The following CDH8 variants were observed in gnomAD, a reference collection of about 807,000 sequenced individuals.
CDH8 encodes the protein cadherin 8.
Under a neutral mutation model 68.1 loss-of-function variants are expected in CDH8, and 17 were observed. The ratio of observed to expected loss-of-function variants is 0.25; its 90% CI spans 0.17 to 0.37. The LOEUF (loss-of-function observed/expected upper bound fraction) is 0.37. Ranked by LOEUF, CDH8 falls within the 10% of genes least tolerant of loss-of-function variation. The pLI is 1.00. For synonymous variants in CDH8, 372 were observed against 365.1 expected (o/e 1.02, Z -0.21); for missense variants, 763 against 999.3 (o/e 0.76, Z 3.19).
At chr16:61,692,988 A>G (rs1327027848) in intron 10 of CDH8, 2 of 152,208 alleles carry the variant, frequency 1.3e-5, no homozygotes, top group East Asian at 3.9e-4. Context: ...AATTAATTTA[A>G]AAAACACACA....
chr16:61,680,401 G>T (rs925639711), intron 10 of CDH8, among the ~76,000 whole-genome samples: 4 of 151,680 alleles, frequency 2.6e-5, no homozygotes, highest in African/African-American at 9.7e-5. Flanking sequence ...TACCAATGCC[G>T]ATTCTAATAC....
At chr16:61,813,984 A>C (rs1962016803) in intron 7 of CDH8, among the ~76,000 whole-genome samples, 1 of 152,184 alleles carries the variant, frequency 6.6e-6, no homozygotes, top group Non-Finnish European at 1.5e-5. Flanking sequence ...ACAGCCACCT[A>C]GATGAATCTC....
chr16:61,654,006 C>T lies in CDH8; in HGVS notation c.2002G>A (p.Asp668Asn), dbSNP rs1567404075. The T allele has an allele frequency of 6.2e-7, 1 of 1,613,606 alleles. No individual in the cohort carries two copies. Among genetic ancestry groups the T allele is most frequent in the Non-Finnish European group, 8.5e-7 (1 of 1,179,542 alleles). The change falls in exon 12 of 12, where the codon GAT (aspartate) becomes AAT (asparagine). Residue 668 changes from aspartate (D) to asparagine (N), a missense_variant. This residue lies in a region of CDH8 where 397 missense variants were observed against 436.2 expected (regional missense o/e 0.91). Transcript: ENST00000577390. Reference protein sequence around the residue: ...EDVRENIIRYDDEGGGEEDTE... With the variant: ...EDVRENIIRYNDEGGGEEDTE... ...TCCTCCTCCCCTCCTCCTTCATCAT[C>T]GTAGCGAATGATGTTTTCTCGAACG...
intron 4 of CDH8, among the ~76,000 whole-genome samples, chr16:61,847,808 C>A (rs1224579360): frequency 6.6e-6 from 1 of 151,358 alleles, no homozygotes; most frequent in African/African-American, 2.4e-5. Flanking sequence ...GGAACTACAA[C>A]AATAAACATA....
intron 2 of CDH8, among the ~76,000 whole-genome samples, chr16:61,993,904 A>C (rs1006103404): frequency 1.3e-5 from 2 of 152,190 alleles, no homozygotes; most frequent in Non-Finnish European, 2.9e-5. Context: ...TCATAGCTGC[A>C]TAGTATTTTA....
At chr16:61,656,431 CAT>C (rs932378167) in intron 10 of CDH8, among the ~76,000 whole-genome samples, 37 of 152,194 alleles carry the variant, frequency 2.4e-4, no homozygotes, top group Admixed American at 6.5e-4. Flanking sequence ...ATTTGAAACA[CAT>C]GTTTGAGAAG....
At chr16:61,926,152 G>GGGGTGTGTGTGTGTGTGTGTGTGT (rs1181874133) in intron 2 of CDH8, among the ~76,000 whole-genome samples, 3 of 142,118 alleles carry the variant, frequency 2.1e-5, no homozygotes, top group African/African-American at 7.8e-5. Flanking sequence ...ACTCAGAAGG[G>GGGGTGTGTGTGTGTGTGTGTGTGT]GTGTGTGTGT....
intron 3 of CDH8, among the ~76,000 whole-genome samples, chr16:61,899,752 T>C (rs1597051452): frequency 6.6e-6 from 1 of 151,950 alleles, no homozygotes; most frequent in East Asian, 1.9e-4. Context: ...TACTTGCAAA[T>C]TAAGTCATTT....
intron 4 of CDH8, among the ~76,000 whole-genome samples, chr16:61,852,818 C>T (rs928374240): frequency 5.3e-5 from 8 of 151,818 alleles, no homozygotes; most frequent in African/African-American, 1.7e-4. Context: ...ACATCCCTCC[C>T]GGCCTTCCCT....
chr16:61,925,445 G>A (rs1964441785), intron 2 of CDH8, among the ~76,000 whole-genome samples: 1 of 152,076 alleles, frequency 6.6e-6, no homozygotes, highest in South Asian at 2.1e-4. Flanking sequence ...AAAGCACAAG[G>A]CTCACCTTTC....
chr16:61,764,766 A>G (rs1960547651), intron 8 of CDH8, among the ~76,000 whole-genome samples: 1 of 152,096 alleles, frequency 6.6e-6, no homozygotes, highest in South Asian at 2.1e-4. Flanking sequence ...AGATACAGAT[A>G]TACAAATACC....
chr16:61,793,987 C>T (rs72798724), intron 7 of CDH8, among the ~76,000 whole-genome samples: 3,525 of 152,070 alleles, frequency 0.023, 61 homozygotes, highest in South Asian at 0.051. Flanking sequence ...TTATTTTTCT[C>T]ATTTTGGAAT....
chr16:61,708,957 T>C (rs1964580821), intron 10 of CDH8, among the ~76,000 whole-genome samples: 1 of 152,132 alleles, frequency 6.6e-6, no homozygotes, highest in Admixed American at 6.5e-5. Context: ...TTTGAAAAAG[T>C]CCACTATGTG....
intron 2 of CDH8, among the ~76,000 whole-genome samples, chr16:61,960,004 A>G (rs1398737538): frequency 2.4e-5 from 2 of 82,982 alleles, no homozygotes; most frequent in African/African-American, 1.6e-4. Context: ...ATATATATAT[A>G]TATATATATA....
intron 3 of CDH8, among the ~76,000 whole-genome samples, chr16:61,871,538 A>G (rs1434493894): frequency 1.3e-5 from 2 of 152,030 alleles, no homozygotes. Context: ...TAACAAATAA[A>G]TATTTATTTA....
chr16:61,828,211 A>G (rs2143002661), intron 4 of CDH8, among the ~76,000 whole-genome samples: 1 of 152,042 alleles, frequency 6.6e-6, no homozygotes, highest in Admixed American at 6.6e-5. Flanking sequence ...CAGTTTACGA[A>G]TGCCACGGCA....
intron 2 of CDH8, among the ~76,000 whole-genome samples, chr16:61,923,309 A>G (rs1964402845): frequency 6.6e-6 from 1 of 152,176 alleles, no homozygotes; most frequent in Non-Finnish European, 1.5e-5. Flanking sequence ...ACACTCAATA[A>G]GTATTTTATT....
chr16:62,009,545 G>A (rs192611785), intron 2 of CDH8, among the ~76,000 whole-genome samples: 1 of 152,250 alleles, frequency 6.6e-6, no homozygotes, highest in East Asian at 1.9e-4. Context: ...TTTAATTCCT[G>A]TCTATGTGTA....
chr16:61,872,619 C>G (rs188762431), intron 3 of CDH8, among the ~76,000 whole-genome samples: 2 of 152,076 alleles, frequency 1.3e-5, no homozygotes, highest in Non-Finnish European at 2.9e-5. Flanking sequence ...TCATAAGACT[C>G]AAAGAGTCTG....
Sources: gnomAD v4.1 joint callset for allele counts (sites outside exome capture counted in the v4.1 genomes callset) on GRCh38, gnomAD v4.1.1 for gene constraint, gnomAD v4.1.1 regional missense constraint, MANE v1.5 for transcripts, NCBI Gene and HGNC (gene_info 2026-07-23, HGNC 2026-07-21) for gene names.